GRIP1: variants seen among roughly 807,000 people sequenced by gnomAD.
The protein encoded by GRIP1 is glutamate receptor interacting protein 1, also known as glutamate receptor-interacting protein 1.
Under a neutral mutation model 129.9 loss-of-function variants are expected in GRIP1, and 45 were observed. The ratio of observed to expected loss-of-function variants is 0.35; its 90% CI spans 0.27 to 0.44. The LOEUF (loss-of-function observed/expected upper bound fraction) is 0.44, where lower values mean the gene tolerates loss of function less well. GRIP1 is among the 20% of genes least tolerant of loss of function. The probability of loss-of-function intolerance (pLI) is 1.00; values close to 1 mark genes in which losing one functional copy is unlikely to be tolerated. For missense variants in GRIP1, 1,196 were observed against 1,396.8 expected (o/e 0.86, Z 2.29); for synonymous variants, 530 against 520.8 (o/e 1.02, Z -0.24).
chr12:66,935,485 A>G (rs544344647), intron 1 of GRIP1, among the ~76,000 whole-genome samples: 1 of 152,298 alleles, frequency 6.6e-6, no homozygotes, highest in East Asian at 1.9e-4. Context: ...GCTTTGAGTC[A>G]GGTGATATTA....
chr12:66,463,421 C>G (rs988593182), intron 8 of GRIP1, among the ~76,000 whole-genome samples: 6 of 152,046 alleles, frequency 3.9e-5, no homozygotes, highest in Admixed American at 2.0e-4. Flanking sequence ...AAATGTTTCC[C>G]CTGGACTTTT....
intron 7 of GRIP1, among the ~76,000 whole-genome samples, chr12:66,504,578 C>A (rs917023012): frequency 6.6e-6 from 1 of 152,086 alleles, no homozygotes; most frequent in African/African-American, 2.4e-5. Flanking sequence ...TTTCAAAATC[C>A]TTCAAGCCTC....
chr12:66,431,114 G>A (rs1477306983), intron 14 of GRIP1, among the ~76,000 whole-genome samples: 1 of 152,214 alleles, frequency 6.6e-6, no homozygotes. Flanking sequence ...TTTGCATGCA[G>A]AAGCCATCTT....
intron 2 of GRIP1, among the ~76,000 whole-genome samples, chr12:66,572,860 T>C (rs12319060): frequency 0.017 from 2,591 of 152,282 alleles, 70 homozygotes; most frequent in African/African-American, 0.059. Flanking sequence ...TGGTATGCCA[T>C]GGAGGACGGT....
At chr12:66,544,218 A>G (rs34854077) in intron 2 of GRIP1, among the ~76,000 whole-genome samples, 3,065 of 152,292 alleles carry the variant, frequency 0.02, 46 homozygotes, top group Non-Finnish European at 0.033. Context: ...AAACATTTCA[A>G]ATGTTTTCCT....
At chr12:66,540,988 A>T (rs1167677066) in intron 3 of GRIP1, among the ~76,000 whole-genome samples, 3 of 150,724 alleles carry the variant, frequency 2.0e-5, no homozygotes, top group African/African-American at 2.4e-5. Flanking sequence ...TTTTTTTTAA[A>T]TTTTTTTAGT....
chr12:66,967,070 G>A (rs976147673), intron 1 of GRIP1, among the ~76,000 whole-genome samples: 4 of 152,058 alleles, frequency 2.6e-5, no homozygotes, highest in African/African-American at 9.7e-5. Context: ...TATTTTTGTT[G>A]TTTCATTGTT....
At chr12:66,736,728 C>G (rs1421253847) in intron 1 of GRIP1, among the ~76,000 whole-genome samples, 9 of 151,684 alleles carry the variant, frequency 5.9e-5, no homozygotes, top group Admixed American at 5.9e-4. Context: ...TCATCTGCTA[C>G]TAAAAGTCCC....
chr12:66,948,013 T>C (rs919750552), intron 1 of GRIP1, among the ~76,000 whole-genome samples: 1 of 152,162 alleles, frequency 6.6e-6, no homozygotes, highest in African/African-American at 2.4e-5. Flanking sequence ...CAGACTCCTT[T>C]ATAAAGTGGG....
chr12:66,624,694 A>C (rs932459416), intron 1 of GRIP1, among the ~76,000 whole-genome samples: 1 of 152,148 alleles, frequency 6.6e-6, no homozygotes, highest in Non-Finnish European at 1.5e-5. Context: ...AAGGAAAGAC[A>C]GTGGTTATTT....
At chr12:67,015,656 G>C (rs1456723161) in intron 1 of GRIP1, among the ~76,000 whole-genome samples, 1 of 152,188 alleles carries the variant, frequency 6.6e-6, no homozygotes, top group Non-Finnish European at 1.5e-5. Context: ...AGCGATGCAA[G>C]GAAGGAAACA....
intron 7 of GRIP1, among the ~76,000 whole-genome samples, chr12:66,491,108 G>A (rs1214604860): frequency 6.6e-6 from 1 of 152,142 alleles, no homozygotes; most frequent in African/African-American, 2.4e-5. Flanking sequence ...TCCCATTACT[G>A]TGTACATGTA....
intron 2 of GRIP1, among the ~76,000 whole-genome samples, chr12:66,542,543 G>A (rs1463725145): frequency 6.6e-6 from 1 of 152,148 alleles, no homozygotes; most frequent in Non-Finnish European, 1.5e-5. Context: ...AGGCAGGATT[G>A]ATCCTCAGAA....
chr12:66,353,756 C>T (rs2054346504), intron 23 of GRIP1, among the ~76,000 whole-genome samples, 193 bp from the exon 24 acceptor site: 1 of 152,164 alleles, frequency 6.6e-6, no homozygotes, highest in South Asian at 2.1e-4. Context: ...TTATGAATTC[C>T]CAACCAAAGC....
chr12:66,780,011 G>A (rs774561367), intron 1 of GRIP1, among the ~76,000 whole-genome samples: 6 of 152,096 alleles, frequency 3.9e-5, no homozygotes, highest in Non-Finnish European at 5.9e-5. Flanking sequence ...GGGAAGGAGC[G>A]GGAGATATGG....
At chr12:67,005,353 C>A (rs117762433) in intron 1 of GRIP1, among the ~76,000 whole-genome samples, 1,633 of 152,204 alleles carry the variant, frequency 0.011, 12 homozygotes, top group Middle Eastern at 0.051. Flanking sequence ...TCAAAAACTA[C>A]GCCACTAGCA....
chr12:66,878,147 A>G (rs537491488), intron 1 of GRIP1, among the ~76,000 whole-genome samples: 7 of 152,188 alleles, frequency 4.6e-5, no homozygotes, highest in African/African-American at 1.7e-4. Context: ...CACTGAATAG[A>G]TGGGCTGAGG....
intron 5 of GRIP1, among the ~76,000 whole-genome samples, chr12:66,523,942 A>T (rs1178788998): frequency 5.3e-5 from 8 of 152,228 alleles, no homozygotes; most frequent in Admixed American, 5.2e-4. Context: ...AGGCCATTAC[A>T]TAATGGTAAA....
intron 1 of GRIP1, among the ~76,000 whole-genome samples, chr12:66,633,891 T>C (rs575747220): frequency 1.3e-5 from 2 of 152,302 alleles, no homozygotes; most frequent in East Asian, 3.9e-4. Flanking sequence ...AGTGTGATTG[T>C]GCAAAAACAG....
Sources: gnomAD v4.1 joint callset for allele counts (sites outside exome capture counted in the v4.1 genomes callset) on GRCh38, gnomAD v4.1.1 for gene constraint, MANE v1.5 for transcripts, NCBI Gene and HGNC (gene_info 2026-07-23, HGNC 2026-07-21) for gene names.